CYP2J2: variants seen among roughly 807,000 people sequenced by gnomAD.
CYP2J2 encodes cytochrome P450 family 2 subfamily J member 2.
Under a neutral mutation model 48.8 loss-of-function variants are expected in CYP2J2, and 41 were observed. That is an observed-to-expected ratio of 0.84 (90% CI 0.66 to 1.09). The LOEUF is 1.09. Among genes scored for constraint, CYP2J2 ranks in the 50% least tolerant of loss-of-function variants. The pLI, the probability that CYP2J2 is intolerant of heterozygous loss-of-function variation, is 0.00. For synonymous variants in CYP2J2, 221 were observed against 227.1 expected (o/e 0.97, Z 0.24); for missense variants, 644 against 617.3 (o/e 1.04, Z -0.46).
chr1:59,945,648 A>G, the CYP2J2 span, among the ~76,000 whole-genome samples: 1 of 152,072 alleles, frequency 6.6e-6, no homozygotes, highest in Non-Finnish European at 1.5e-5. Flanking sequence ...TTTCCTGGCT[A>G]TTCTTTAAAT....
chr1:59,911,668 A>T lies in CYP2J2; in HGVS notation c.624T>A (p.Phe208Leu), dbSNP rs201596747. ...CATCTAGTAACTTCAGCAGCTGCTG[A>T]AACCAACTATCCTGGTACTCAAAGC... is the stretch of plus-strand genomic sequence containing the variant. ...GERFEYQDSW[F>L]QQLLKLLDEV... Residue 208 changes from phenylalanine (F) to leucine (L), a missense_variant, in exon 4 of 9, where the codon TTT becomes TTA. Coordinates refer to ENST00000371204, the MANE Select transcript of CYP2J2 (RefSeq NM_000775.4). 1.2e-6 allele frequency: 2 copies of T among 1,613,686 alleles called. No homozygotes were observed. The highest frequency in any genetic ancestry group is 1.7e-5 in the Admixed American group (1 of 60,010).
At chr1:59,968,048 G>A in the CYP2J2 span, among the ~76,000 whole-genome samples, 1 of 152,176 alleles carries the variant, frequency 6.6e-6, no homozygotes, top group African/African-American at 2.4e-5. Flanking sequence ...AAGGTAAACT[G>A]AAAGTGACGC....
chr1:59,902,735 C>T (rs1383970571), intron 7 of CYP2J2, among the ~76,000 whole-genome samples: 4 of 152,146 alleles, frequency 2.6e-5, no homozygotes, highest in Admixed American at 6.5e-5. Context: ...ATTTTAAGCA[C>T]TTTCTGTACT....
chr1:59,946,004 G>C, the CYP2J2 span, among the ~76,000 whole-genome samples: 1 of 152,148 alleles, frequency 6.6e-6, no homozygotes, highest in Non-Finnish European at 1.5e-5. Context: ...CAGTCTTCCT[G>C]CTTTTATGGC....
intron 1 of CYP2J2, among the ~76,000 whole-genome samples, chr1:59,923,599 A>C (rs1426091952): frequency 1.3e-5 from 2 of 152,178 alleles, no homozygotes; most frequent in African/African-American, 4.8e-5. Context: ...TTAACAAAGA[A>C]ATAAAAGATA....
intron 6 of CYP2J2, 39 bp downstream of exon 6, chr1:59,907,747 A>G: frequency 6.2e-7 from 1 of 1,612,256 alleles, no homozygotes; most frequent in South Asian, 1.1e-5. Context: ...AGGAGGCACT[A>G]TTCTGTCCTG....
chr1:59,964,204 T>A, the CYP2J2 span, among the ~76,000 whole-genome samples: 1 of 152,248 alleles, frequency 6.6e-6, no homozygotes, highest in East Asian at 1.9e-4. Context: ...AACCTCCAAT[T>A]TGGATAGAGA....
Position 59,911,667 on chromosome 1 carries a change from G to C in CYP2J2, c.625C>G (p.Gln209Glu). 6.2e-7 allele frequency: 1 copy of C among 1,613,582 alleles called. No individual in the cohort carries two copies. Among genetic ancestry groups the C allele is most frequent in the Non-Finnish European group, 8.5e-7 (1 of 1,179,638 alleles). The change falls in exon 4 of 9, where the codon CAG becomes GAG. Residue 209 changes from glutamine to glutamate, a missense_variant. Gln to Glu is a conservative substitution (Grantham distance 29, BLOSUM62 2). Coordinates refer to ENST00000371204, the MANE Select transcript of CYP2J2 (RefSeq NM_000775.4). ...ERFEYQDSWF[Q>E]QLLKLLDEVT... The stretch of plus-strand genomic sequence containing the variant: ...TCATCTAGTAACTTCAGCAGCTGCT[G>C]AAACCAACTATCCTGGTACTCAAAG...
intron 2 of CYP2J2, among the ~76,000 whole-genome samples, chr1:59,915,281 TTGTCTC>T (rs1480374914): frequency 6.6e-6 from 1 of 152,210 alleles, no homozygotes; most frequent in Non-Finnish European, 1.5e-5. Context: ...TCTCTATACT[TTGTCTC>T]TGTGTCTTAT....
At chr1:59,949,050 A>T in the CYP2J2 span, among the ~76,000 whole-genome samples, 146 of 151,868 alleles carry the variant, frequency 9.6e-4, no homozygotes, top group African/African-American at 3.4e-3. Context: ...TCTGAAAAAA[A>T]AAATGAAAGA....
intron 2 of CYP2J2, 77 bp downstream of exon 2, chr1:59,915,861 C>G: frequency 1.4e-6 from 2 of 1,379,620 alleles, no homozygotes; most frequent in Non-Finnish European, 1.9e-6. Flanking sequence ...TGGAAAATTA[C>G]AGTCACCAAG....
At chr1:59,951,678 T>C in the CYP2J2 span, among the ~76,000 whole-genome samples, 5,013 of 152,252 alleles carry the variant, frequency 0.033, 136 homozygotes, top group Admixed American at 0.085. Context: ...GACCTCTCAG[T>C]GCACCAAGAA....
At chr1:59,965,131 A>G in the CYP2J2 span, among the ~76,000 whole-genome samples, 2 of 152,230 alleles carry the variant, frequency 1.3e-5, no homozygotes, top group Non-Finnish European at 2.9e-5. Context: ...TCATTTTCTG[A>G]AAAAGGGTGA....
At chr1:59,915,740 G>A (rs1559077379) in intron 2 of CYP2J2, among the ~76,000 whole-genome samples, 198 bp downstream of exon 2, 1 of 152,176 alleles carries the variant, frequency 6.6e-6, no homozygotes, top group African/African-American at 2.4e-5. Flanking sequence ...AAATCCCAGT[G>A]AGGGATGATC....
intron 8 of CYP2J2, among the ~76,000 whole-genome samples, chr1:59,899,604 T>C (rs1470323161): frequency 6.6e-6 from 1 of 152,228 alleles, no homozygotes; most frequent in Non-Finnish European, 1.5e-5. Context: ...ATTTAGTTAT[T>C]TTCAGTAGAT....
chr1:59,962,075 A>G, the CYP2J2 span, among the ~76,000 whole-genome samples: 1 of 152,166 alleles, frequency 6.6e-6, no homozygotes, highest in Non-Finnish European at 1.5e-5. Flanking sequence ...AAATATACCA[A>G]AAACATTTAA....
chr1:59,945,369 C>T, the CYP2J2 span, among the ~76,000 whole-genome samples: 1 of 151,862 alleles, frequency 6.6e-6, no homozygotes, highest in African/African-American at 2.4e-5. Context: ...AAAATGCTAT[C>T]TTAATCAGAA....
At chr1:59,927,787 G>T (rs1644580973), upstream of CYP2J2, among the ~76,000 whole-genome samples, 1 of 151,986 alleles carries the variant, frequency 6.6e-6, no homozygotes, top group Non-Finnish European at 1.5e-5. Context: ...TGGTCAGGCT[G>T]GTCTCAATCT....
intron 8 of CYP2J2, among the ~76,000 whole-genome samples, chr1:59,895,621 C>T (rs1644261829): frequency 6.6e-6 from 1 of 151,858 alleles, no homozygotes; most frequent in African/African-American, 2.4e-5. Flanking sequence ...ATTTCTTGAC[C>T]ATATATATTT....
Sources: allele counts gnomAD v4.1 joint callset (sites outside exome capture counted in the v4.1 genomes callset), GRCh38; gene constraint gnomAD v4.1.1; transcripts MANE v1.5; gene names NCBI Gene and HGNC (gene_info 2026-07-23, HGNC 2026-07-21).